Variants in FYN observed in about 807,000 individuals in gnomAD.
The protein encoded by FYN is FYN proto-oncogene, Src family tyrosine kinase.
In FYN, 10 loss-of-function variants were observed where a neutral mutation model predicts 70.2. The observed-to-expected ratio is 0.14, with a 90% CI of 0.09 to 0.24. FYN has a LOEUF of 0.24. FYN is among the 10% of genes least tolerant of loss of function. FYN has a pLI of 1.00. For missense variants in FYN, 319 were observed against 673.1 expected (o/e 0.47, Z 5.82); for synonymous variants, 236 against 248.6 (o/e 0.95, Z 0.48).
rs564573755 is a variant in FYN, at chr6:111,704,932, T to G, written c.444-830A>C. Among the ~76,000 whole-genome samples, 25 of 147,810 alleles carry G rather than the reference T, an allele frequency of 1.7e-4. No individual in the cohort carries two copies. In the South Asian group the frequency reaches 5.3e-3, roughly 31 times the overall value. ...AAAAAATTAGCTGGGTGTGGTGGCA[T>G]GCACCTGTAATCCCAGCTACTCAGG... is the stretch of plus-strand genomic sequence containing the variant. On this transcript the variant is annotated intron_variant, in intron 6 of 13. Coordinates refer to ENST00000354650, the MANE Select transcript of FYN (RefSeq NM_002037.5).
At chr6:111,760,716 A>G (rs1442960895) in intron 3 of FYN, among the ~76,000 whole-genome samples, 1 of 152,220 alleles carries the variant, frequency 6.6e-6, no homozygotes. Flanking sequence ...AAGTGACTGG[A>G]GACATAGGCA....
rs1299036020 is a variant in FYN at position 111,661,229 on chromosome 6, T to TTA, written c.*508_*509dup. 4 of 152,592 alleles carry TTA rather than the reference T, an allele frequency of 2.6e-5. No homozygotes were observed. Among genetic ancestry groups the TTA allele is most frequent in the African/African-American group, 9.7e-5 (4 of 41,378 alleles). The allele number at this position is 152,592 out of a possible 1,614,324, so 9.5% of individuals were successfully genotyped here. On this transcript the variant is annotated 3_prime_UTR_variant, in exon 14 of 14. Transcript: ENST00000354650. The surrounding 1 kb of genome is among the most constrained non-coding windows in gnomAD (Gnocchi z 4.0). ...TTGTATATGTACAGGGACATATATA[T>TTA]TATATATATTCATATTTATAAAAAA...
At chr6:111,790,358 A>G (rs957295515) in intron 2 of FYN, among the ~76,000 whole-genome samples, 1 of 152,000 alleles carries the variant, frequency 6.6e-6, no homozygotes, top group Non-Finnish European at 1.5e-5. Context: ...CTCTGGTTCA[A>G]GAGGGAAAGG....
At chr6:111,825,137 G>A (rs1167038169) in intron 2 of FYN, among the ~76,000 whole-genome samples, 2 of 152,146 alleles carry the variant, frequency 1.3e-5, no homozygotes, top group African/African-American at 2.4e-5. Flanking sequence ...TTTGGACTGC[G>A]GGCAGGGAGG....
chr6:111,750,975 C>A (rs763891519), intron 3 of FYN, among the ~76,000 whole-genome samples: 9 of 152,058 alleles, frequency 5.9e-5, no homozygotes, highest in Non-Finnish European at 1.2e-4. Context: ...ATAAGTTTTA[C>A]TTGAAAATGG....
intron 13 of FYN, among the ~76,000 whole-genome samples, chr6:111,673,370 G>A (rs1410818714): frequency 6.6e-6 from 1 of 152,114 alleles, no homozygotes; most frequent in African/African-American, 2.4e-5. Flanking sequence ...CTGGGAATTT[G>A]TCAATTTTGC....
intron 1 of FYN, among the ~76,000 whole-genome samples, chr6:111,872,553 G>T (rs1033695730): frequency 2.1e-4 from 28 of 133,992 alleles, no homozygotes; most frequent in Non-Finnish European, 8.1e-5. Context: ...GTTGGGTGGG[G>T]AGGGAAGCAG....
intron 4 of FYN, 114 bp from the exon 5 acceptor site, chr6:111,714,557 A>G: frequency 1.3e-6 from 1 of 759,634 alleles, no homozygotes; most frequent in African/African-American, 1.7e-5. Flanking sequence ...GCCAGCACTA[A>G]TAACATGATG....
At chr6:111,723,676 G>A (rs939706587) in intron 3 of FYN, among the ~76,000 whole-genome samples, 2 of 152,224 alleles carry the variant, frequency 1.3e-5, no homozygotes, top group Non-Finnish European at 2.9e-5. Flanking sequence ...CGCTACATGA[G>A]CTGTATTCAG....
At chr6:111,802,771 T>A (rs1772029534) in intron 2 of FYN, among the ~76,000 whole-genome samples, 2 of 140,886 alleles carry the variant, frequency 1.4e-5, no homozygotes, top group African/African-American at 3.1e-5. Flanking sequence ...ACACTCTTTC[T>A]GGCTGAAAAA....
chr6:111,721,886 A>C (rs1800962527), intron 3 of FYN, among the ~76,000 whole-genome samples: 1 of 152,178 alleles, frequency 6.6e-6, no homozygotes. Context: ...CCAAAACCGC[A>C]AACTAGCCCA....
At chr6:111,707,467 A>G (rs1235781760) in intron 6 of FYN, among the ~76,000 whole-genome samples, 1 of 152,204 alleles carries the variant, frequency 6.6e-6, no homozygotes, top group Non-Finnish European at 1.5e-5. Flanking sequence ...CCGGGCATAG[A>G]AGGTGTCTTT....
chr6:111,670,572 T>C (rs979416223), intron 13 of FYN, among the ~76,000 whole-genome samples: 2 of 151,404 alleles, frequency 1.3e-5, no homozygotes, highest in Admixed American at 6.6e-5. Context: ...GTACCTGGCA[T>C]ATAGTAGGTG....
intron 12 of FYN, among the ~76,000 whole-genome samples, chr6:111,682,464 T>C (rs1459474396): frequency 1.3e-5 from 2 of 152,246 alleles, no homozygotes; most frequent in African/African-American, 4.8e-5. Flanking sequence ...ATAGCTTACT[T>C]GACTCAGTTA....
At chr6:111,774,965 T>A (rs1803649392) in intron 3 of FYN, among the ~76,000 whole-genome samples, 1 of 152,172 alleles carries the variant, frequency 6.6e-6, no homozygotes, top group African/African-American at 2.4e-5. Flanking sequence ...GTGACCCACC[T>A]GCCTTAGCCT....
intron 2 of FYN, among the ~76,000 whole-genome samples, chr6:111,785,464 C>T (rs1583441987): frequency 6.6e-6 from 1 of 152,166 alleles, no homozygotes; most frequent in African/African-American, 2.4e-5. Context: ...CTCTCTCTGA[C>T]TCTGGCCTCT....
rs549676448 is a variant in FYN at position 111,721,819 on chromosome 6, T to C, written c.-11-1757A>G. ...TGGTTAAATGGTCCCCCTTTGGACT[T>C]GCAATACCCCAACAAGCCAACAGGG... On this transcript the variant is annotated intron_variant, in intron 3 of 13. Coordinates refer to ENST00000354650, the MANE Select transcript of FYN (RefSeq NM_002037.5). Among the ~76,000 whole-genome samples, 7 of 152,238 alleles carry C rather than the reference T, an allele frequency of 4.6e-5. No homozygotes were observed. The East Asian group carries it at 7.7e-4, about 17-fold the overall frequency.
intron 3 of FYN, among the ~76,000 whole-genome samples, chr6:111,762,848 CA>C (rs1176692485): frequency 6.6e-6 from 1 of 152,060 alleles, no homozygotes; most frequent in Non-Finnish European, 1.5e-5. Context: ...CCTGCCACCA[CA>C]GGTAACTAAA....
rs542906497 is a variant in FYN at position 111,680,652 on chromosome 6, T to C, written c.1274-6022A>G. 5.3e-5 allele frequency among the ~76,000 whole-genome samples: 8 copies of C among 152,350 alleles called. No individual in the cohort carries two copies. In the South Asian group the frequency reaches 1.7e-3, roughly 32 times the overall value. On this transcript the variant is annotated intron_variant, in intron 12 of 13. Coordinates refer to ENST00000354650, the MANE Select transcript of FYN (RefSeq NM_002037.5). ...CGTGACATTTCAAGGCCCATGGGTG[T>C]CTATCAGCAATTAGCAATTGGGTAG...
Sources: allele counts gnomAD v4.1 joint callset (sites outside exome capture counted in the v4.1 genomes callset), GRCh38; gene constraint gnomAD v4.1.1; non-coding constraint Gnocchi (gnomAD v3.1); transcripts MANE v1.5; gene names NCBI Gene and HGNC (gene_info 2026-07-23, HGNC 2026-07-21).